RYR3: variants seen among roughly 807,000 people sequenced by gnomAD.
RYR3 encodes ryanodine receptor 3.
A neutral mutation model predicts 584.3 loss-of-function variants in RYR3; 207 were observed. The ratio of observed to expected loss-of-function variants is 0.35; its 90% confidence interval spans 0.32 to 0.40. RYR3 has a LOEUF of 0.40. Among genes scored for constraint, RYR3 ranks in the 10% least tolerant of loss-of-function variants. The pLI, the probability that RYR3 is intolerant of heterozygous loss-of-function variation, is 1.00. For synonymous variants in RYR3, 2,416 were observed against 2,248.5 expected (o/e 1.07, Z -2.11); for missense variants, 5,616 against 6,089.2 (o/e 0.92, Z 2.59).
chr15:33,662,440 C>T lies in RYR3; in HGVS notation c.4910C>T (p.Thr1637Ile). Residue 1637 changes from threonine (T) to isoleucine (I), a missense_variant, in exon 35 of 104, where the codon ACC becomes ATC. By Grantham distance (89) the Thr-to-Ile change is moderately conservative. Coordinates refer to ENST00000634891, the MANE Select transcript of RYR3 (RefSeq NM_001036.6). ...NEYIIPITST[T>I]RNIRLFPDES... is the part of the protein sequence containing the mutation. Reference sequence around the variant, plus strand: ...TACATCATCCCCATTACCAGCACCACCAGGAATATCCGCCTCTTCCCGGAC... The same window carrying T: ...TACATCATCCCCATTACCAGCACCATCAGGAATATCCGCCTCTTCCCGGAC... 2 of 1,614,032 alleles carry T rather than the reference C, an allele frequency of 1.2e-6. No homozygotes were observed. Among genetic ancestry groups the T allele is most frequent in the Non-Finnish European group, 1.7e-6 (2 of 1,179,894 alleles).
chr15:33,501,164 G>T (rs183071450), intron 2 of RYR3, among the ~76,000 whole-genome samples: 1 of 152,166 alleles, frequency 6.6e-6, no homozygotes. Flanking sequence ...ATTCAAACCA[G>T]TAATGAAATT....
In RYR3 at chr15:33,728,935, G is replaced by A. The variant is rs1234585541; in HGVS notation, c.7112G>A (p.Arg2371His). The A allele has an allele frequency of 3.1e-6, 5 of 1,613,684 alleles. No individual in the cohort carries two copies. Among genetic ancestry groups the A allele is most frequent in the Admixed American group, 1.7e-5 (1 of 59,976 alleles). Residue 2371 changes from arginine to histidine, a missense_variant, in exon 47 of 104, where the codon CGC (arginine) becomes CAC (histidine). This residue lies in a region of RYR3 where 1,280 missense variants were observed against 1,426.2 expected (regional missense o/e 0.90). Coordinates refer to ENST00000634891, the MANE Select transcript of RYR3 (RefSeq NM_001036.6). ...GCACCTATGGTGCTGTTCTTGGACCGCGTTTATGGCATTAAGGATCAAACT... is the reference window on the plus strand; with the variant it reads ...GCACCTATGGTGCTGTTCTTGGACCACGTTTATGGCATTAAGGATCAAACT... ...HKAPMVLFLD[R>H]VYGIKDQTFL...
At chr15:33,365,112 T>C (rs750440638) in intron 1 of RYR3, among the ~76,000 whole-genome samples, 5 of 152,146 alleles carry the variant, frequency 3.3e-5, no homozygotes, top group Non-Finnish European at 5.9e-5. Context: ...AGCTGATGCC[T>C]GTGAAAAATA....
chr15:33,467,459 ATTG>A, intron 1 of RYR3: 1 of 984,678 alleles, frequency 1.0e-6, no homozygotes, highest in South Asian at 4.7e-5. Flanking sequence ...ATGGCTCTCT[ATTG>A]TTCTGGCCCT....
At chr15:33,587,293 A>G (rs2058903385) in intron 16 of RYR3, among the ~76,000 whole-genome samples, 1 of 152,194 alleles carries the variant, frequency 6.6e-6, no homozygotes, top group African/African-American at 2.4e-5. Context: ...AATGAGAATA[A>G]TCAATAGGCA....
intron 2 of RYR3, among the ~76,000 whole-genome samples, chr15:33,501,617 G>A (rs1197213782): frequency 1.3e-5 from 2 of 152,056 alleles, no homozygotes; most frequent in African/African-American, 4.8e-5. Flanking sequence ...TCCTGTTCTG[G>A]GAACATGAAA....
intron 38 of RYR3, among the ~76,000 whole-genome samples, chr15:33,676,241 T>A (rs866565536): frequency 4.2e-5 from 6 of 143,320 alleles, no homozygotes; most frequent in South Asian, 2.3e-4. Context: ...CTCTAGAAGG[T>A]AAAAAAAAAA....
intron 43 of RYR3, among the ~76,000 whole-genome samples, chr15:33,721,861 G>T (rs1295535257): frequency 2.6e-5 from 4 of 152,184 alleles, no homozygotes; most frequent in East Asian, 1.9e-4. Flanking sequence ...TAAGTGTCCA[G>T]TTCTACCACT....
Position 33,426,180 on chromosome 15 carries a change from C to T in RYR3, c.52-47239C>T, listed in dbSNP as rs1446036531. ...CTTTGTAAAGTAGATGTAAAACTTA[C>T]GAGCTTCTTGACAGGTGATGCAAAA... On this transcript the variant is annotated intron_variant, in intron 1 of 103. Transcript: ENST00000634891. Among the ~76,000 whole-genome samples, 102 of 152,118 alleles carry T rather than the reference C, an allele frequency of 6.7e-4. 1 individual carries two copies. Among genetic ancestry groups the T allele is most frequent in the African/African-American group, 2.4e-5 (1 of 41,420 alleles).
At chr15:33,839,816 G>T (rs936305593) in intron 89 of RYR3, 4 of 152,124 alleles carry the variant, frequency 2.6e-5, no homozygotes, top group Admixed American at 1.3e-4. Context: ...AGAGAACGCT[G>T]GTTCGAAGAT....
intron 10 of RYR3, among the ~76,000 whole-genome samples, chr15:33,558,581 A>G (rs1054030693): frequency 7.2e-5 from 11 of 152,098 alleles, no homozygotes; most frequent in African/African-American, 2.7e-4. Flanking sequence ...TCTTTATAGC[A>G]GGATGGTTTA....
At chr15:33,816,714 G>A in intron 74 of RYR3, 148 bp from the exon 75 acceptor site, 1 of 534,416 alleles carries the variant, frequency 1.9e-6, no homozygotes, top group Non-Finnish European at 3.4e-6. Flanking sequence ...TTTGAAGTGA[G>A]TTCTGTGGTA....
intron 3 of RYR3, among the ~76,000 whole-genome samples, chr15:33,521,905 G>A (rs2054011990): frequency 1.3e-5 from 2 of 152,062 alleles, no homozygotes; most frequent in African/African-American, 4.8e-5. Context: ...TGAATTTGGG[G>A]GAAGTAGTAC....
intron 27 of RYR3, among the ~76,000 whole-genome samples, chr15:33,640,805 C>T (rs2061766473): frequency 6.6e-6 from 1 of 152,180 alleles, no homozygotes; most frequent in Non-Finnish European, 1.5e-5. Context: ...CTTCTCAAAC[C>T]TCTTCAGAGT....
chr15:33,855,829 A>G (rs2079600370), intron 98 of RYR3: 1 of 152,240 alleles, frequency 6.6e-6, no homozygotes, highest in African/African-American at 2.4e-5. Context: ...GAGACTGGAT[A>G]TAGCAACGGC....
intron 102 of RYR3, among the ~76,000 whole-genome samples, chr15:33,863,716 G>A (rs577255352): frequency 6.6e-6 from 1 of 152,242 alleles, no homozygotes; most frequent in South Asian, 2.1e-4. Flanking sequence ...ACTTTTCCAT[G>A]ACAGATATTC....
At chr15:33,383,583 G>T (rs1284426211) in intron 1 of RYR3, among the ~76,000 whole-genome samples, 1 of 151,996 alleles carries the variant, frequency 6.6e-6, no homozygotes, top group South Asian at 2.1e-4. Flanking sequence ...GTGTACATTT[G>T]CAGGGTTGTT....
At chr15:33,845,795 A>G (rs2078688922) in intron 93 of RYR3, among the ~76,000 whole-genome samples, 1 of 152,260 alleles carries the variant, frequency 6.6e-6, no homozygotes, top group South Asian at 2.1e-4. Context: ...TAACCACTCA[A>G]GATCTCAGAA....
chr15:33,572,200 T>C (rs2058061377), intron 12 of RYR3, among the ~76,000 whole-genome samples: 1 of 152,206 alleles, frequency 6.6e-6, no homozygotes, highest in Non-Finnish European at 1.5e-5. Flanking sequence ...TACAGGAACA[T>C]AAAAGAAAGA....
Sources: gnomAD v4.1 joint callset for allele counts (sites outside exome capture counted in the v4.1 genomes callset) on GRCh38, gnomAD v4.1.1 for gene constraint, gnomAD v4.1.1 regional missense constraint, MANE v1.5 for transcripts, NCBI Gene and HGNC (gene_info 2026-07-23, HGNC 2026-07-21) for gene names.